CUX1: variants seen among roughly 807,000 people sequenced by gnomAD.
CUX1 encodes the protein protein CASP.
CUX1 carries 31 observed loss-of-function variants against 158.8 expected under a neutral mutation model. The observed-to-expected ratio is 0.20, with a 90% CI of 0.15 to 0.26. CUX1 has a LOEUF of 0.26. Ranked by LOEUF, CUX1 falls within the 10% of genes least tolerant of loss-of-function variation. The pLI, the probability that CUX1 is intolerant of heterozygous loss-of-function variation, is 1.00. For synonymous variants in CUX1, 879 were observed against 862.1 expected (o/e 1.02, Z -0.34); for missense variants, 1,589 against 2,014.6 (o/e 0.79, Z 4.04).
chr7:102,196,544 T>C, intron 14 of CUX1, 90 bp from the exon 15 acceptor site: 5 of 1,278,658 alleles, frequency 3.9e-6, no homozygotes, highest in Non-Finnish European at 5.3e-6. Flanking sequence ...GTTTTCCCTT[T>C]TGCGGGGGCA....
chr7:102,136,686 G>A (rs1833946336), intron 8 of CUX1, among the ~76,000 whole-genome samples: 1 of 152,160 alleles, frequency 6.6e-6, no homozygotes, highest in Non-Finnish European at 1.5e-5. Context: ...ACCGTGCCCG[G>A]CCATTTTACC....
intron 1 of CUX1, among the ~76,000 whole-genome samples, chr7:101,859,409 T>A (rs998411530): frequency 6.6e-6 from 1 of 152,216 alleles, no homozygotes; most frequent in Non-Finnish European, 1.5e-5. Context: ...ACAAATTGCT[T>A]CCTTAACATT....
intron 2 of CUX1, among the ~76,000 whole-genome samples, chr7:102,007,267 C>T (rs1214700789): frequency 6.6e-6 from 1 of 152,150 alleles, no homozygotes; most frequent in African/African-American, 2.4e-5. Context: ...TGACTTTGAA[C>T]CCCTCAGTTC....
Position 102,251,408 on chromosome 7 carries a change from G to A in CUX1, c.*2366G>A. 5.1e-6 allele frequency: 5 copies of A among 985,322 alleles called. No homozygotes were observed. Among genetic ancestry groups the A allele is most frequent in the Non-Finnish European group, 6.0e-6 (5 of 829,894 alleles). The allele number at this position is 985,322 out of a possible 1,614,324, so 61.0% of individuals were successfully genotyped here. On this transcript the variant is annotated 3_prime_UTR_variant, in exon 24 of 24. Transcript: ENST00000292535. ...ATTTACAGTCTTTTAACCTGCAGCT[G>A]CAGCACTTAGTTCACGTTTTCACAA...
chr7:102,264,150 C>T (rs1301602797), intron 14 of CUX1, among the ~76,000 whole-genome samples: 4 of 151,464 alleles, frequency 2.6e-5, no homozygotes, highest in Admixed American at 1.3e-4. Flanking sequence ...GGATTACAGG[C>T]GCCCACCACC....
chr7:102,213,091 A>G (rs1183693084), intron 20 of CUX1, among the ~76,000 whole-genome samples: 1 of 151,956 alleles, frequency 6.6e-6, no homozygotes, highest in Non-Finnish European at 1.5e-5. Flanking sequence ...TGATCCACCC[A>G]TCTTGGCCTC....
intron 9 of CUX1, among the ~76,000 whole-genome samples, chr7:102,159,389 A>G (rs1488601480): frequency 6.6e-6 from 1 of 152,234 alleles, no homozygotes; most frequent in African/African-American, 2.4e-5. Context: ...TACCCAGCAC[A>G]GTGTCCGGCC....
At chr7:101,992,952 G>A (rs1300553350) in intron 2 of CUX1, among the ~76,000 whole-genome samples, 1 of 152,154 alleles carries the variant, frequency 6.6e-6, no homozygotes, top group Non-Finnish European at 1.5e-5. Flanking sequence ...AGGGGGCCCT[G>A]GTCATTCTGC....
intron 4 of CUX1, among the ~76,000 whole-genome samples, chr7:102,083,348 C>T (rs1350877162): frequency 6.8e-6 from 1 of 147,154 alleles, no homozygotes; most frequent in Non-Finnish European, 1.5e-5. Flanking sequence ...GCTCTGTTGC[C>T]CAGGCTGGAG....
Position 102,252,330 on chromosome 7 carries a change from G to A in CUX1, c.*3288G>A, listed in dbSNP as rs530500178. 17 of 985,108 alleles carry A rather than the reference G, an allele frequency of 1.7e-5. No individual in the cohort carries two copies. Among genetic ancestry groups the A allele is most frequent in the East Asian group, 1.1e-4 (1 of 8,820 alleles). The allele number at this position is 985,108 out of a possible 1,614,324, so 61.0% of individuals were successfully genotyped here. ...CAAGTGCCTTGAACAGTGTCCCCTCGGCATGGCTCCCCTTCAGCAGGCTGG... is the reference window on the plus strand; with the variant it reads ...CAAGTGCCTTGAACAGTGTCCCCTCAGCATGGCTCCCCTTCAGCAGGCTGG... On this transcript the variant is annotated 3_prime_UTR_variant, in exon 24 of 24. Coordinates refer to ENST00000292535, the MANE Select transcript of CUX1 (RefSeq NM_181552.4).
chr7:101,870,144 G>GTTTTTTTTTTTTT (rs112866816), intron 1 of CUX1, among the ~76,000 whole-genome samples: 1 of 111,208 alleles, frequency 9.0e-6, no homozygotes. Context: ...GATGTTTAGT[G>GTTTTTTTTTTTTT]TTTTTTTTGT....
chr7:102,238,272 G>A (rs890412880), intron 22 of CUX1, among the ~76,000 whole-genome samples: 1 of 152,116 alleles, frequency 6.6e-6, no homozygotes, highest in Admixed American at 6.5e-5. Flanking sequence ...TGACACTGAG[G>A]CTACCGCTAG....
intron 20 of CUX1, among the ~76,000 whole-genome samples, chr7:102,224,408 C>T (rs781990977): frequency 1.3e-5 from 2 of 152,052 alleles, no homozygotes; most frequent in African/African-American, 2.4e-5. Context: ...GGTTTCACCA[C>T]GTTGGCCAGG....
chr7:102,204,839 A>C (rs1375996492), intron 19 of CUX1, among the ~76,000 whole-genome samples: 2 of 152,276 alleles, frequency 1.3e-5, no homozygotes, highest in Middle Eastern at 3.2e-3. Context: ...TTTATACATA[A>C]ATACAGGTAA....
Position 102,076,497 on chromosome 7 carries a change from GTGTT to G in CUX1, c.268+6085_268+6088del, listed in dbSNP as rs782482508. On this transcript the variant is annotated intron_variant, in intron 4 of 23. Transcript: ENST00000292535. ...AGTAGGTTTGGTAGTTCATACCTTG[GTGTT>G]TGTTCTTTTCATTTGCCACCAGATC... Among the ~76,000 whole-genome samples, 34 of 152,190 alleles carry G rather than the reference GTGTT, an allele frequency of 2.2e-4. No homozygotes were observed. The Middle Eastern group carries it at 0.024, about 107-fold the overall frequency.
chr7:102,060,904 G>C (rs12538702), intron 3 of CUX1, among the ~76,000 whole-genome samples: 4 of 134,726 alleles, frequency 3.0e-5, no homozygotes, highest in South Asian at 2.3e-4. Context: ...GAACCACCGC[G>C]CCTGGCCTTT....
chr7:101,890,503 G>A (rs1800767654), intron 1 of CUX1, among the ~76,000 whole-genome samples: 1 of 152,036 alleles, frequency 6.6e-6, no homozygotes, highest in African/African-American at 2.4e-5. Context: ...CAGCATGAGG[G>A]GTGCAAAGTG....
chr7:101,833,319 C>T (rs955805858), intron 1 of CUX1, among the ~76,000 whole-genome samples: 2 of 150,276 alleles, frequency 1.3e-5, no homozygotes, highest in Admixed American at 1.3e-4. Context: ...GAGGTCAAGG[C>T]GGAAGGATTG....
At position 102,249,046 on chromosome 7, in the gene CUX1, G is replaced by T. The variant is rs782394004; in HGVS notation, c.*4G>T. 15 of 1,325,362 alleles carry T rather than the reference G, an allele frequency of 1.1e-5. No homozygotes were observed. In the Admixed American group the frequency reaches 1.3e-4, roughly 12 times the overall value. The allele number at this position is 1,325,362 out of a possible 1,614,324, so 82.1% of individuals were successfully genotyped here. On this transcript the variant is annotated 3_prime_UTR_variant, in exon 24 of 24. Transcript: ENST00000292535. ...ACCTATCGAATGGGAGTTCTGAGGG[G>T]CCGCGGCCCTGGGGCGGGCAGCCAG... is the stretch of plus-strand genomic sequence containing the variant.
Sources: allele counts gnomAD v4.1 joint callset (sites outside exome capture counted in the v4.1 genomes callset), GRCh38; gene constraint gnomAD v4.1.1; transcripts MANE v1.5; gene names NCBI Gene and HGNC (gene_info 2026-07-23, HGNC 2026-07-21).